Variants in NOS1AP observed in about 807,000 individuals in gnomAD.
The protein encoded by NOS1AP is nitric oxide synthase 1 adaptor protein.
NOS1AP carries 21 observed loss-of-function variants against 56.2 expected under a neutral mutation model. The ratio of observed to expected loss-of-function variants is 0.37; its 90% CI spans 0.26 to 0.54. The LOEUF is 0.54. Ranked by LOEUF, NOS1AP falls within the 20% of genes least tolerant of loss-of-function variation. The pLI is 0.84. For synonymous variants in NOS1AP, 270 were observed against 274.6 expected (o/e 0.98, Z 0.17); for missense variants, 522 against 657.8 (o/e 0.79, Z 2.26).
intron 2 of NOS1AP, among the ~76,000 whole-genome samples, chr1:162,173,236 TCTGC>T (rs1315604649): frequency 6.6e-6 from 1 of 152,212 alleles, no homozygotes; most frequent in African/African-American, 2.4e-5. Flanking sequence ...TCTCAGGTGA[TCTGC>T]CTGCCTCAGC....
intron 5 of NOS1AP, among the ~76,000 whole-genome samples, chr1:162,339,772 G>T (rs1424637130): frequency 6.6e-6 from 1 of 152,194 alleles, no homozygotes; most frequent in Non-Finnish European, 1.5e-5. Flanking sequence ...CAGAAGGTGG[G>T]GTAACTAAGT....
chr1:162,146,488 C>G (rs1190896139), intron 1 of NOS1AP, among the ~76,000 whole-genome samples: 3 of 152,152 alleles, frequency 2.0e-5, no homozygotes, highest in African/African-American at 7.2e-5. Flanking sequence ...GCTCCTCTGG[C>G]TGTCCCCGTC....
chr1:162,094,703 G>A (rs1449160845), intron 1 of NOS1AP, among the ~76,000 whole-genome samples: 3 of 152,196 alleles, frequency 2.0e-5, no homozygotes, highest in Non-Finnish European at 2.9e-5. Flanking sequence ...TCTTGAGTAA[G>A]TTTGGTGATT....
intron 1 of NOS1AP, among the ~76,000 whole-genome samples, chr1:162,150,335 A>G (rs182910905): frequency 6.0e-4 from 91 of 152,266 alleles, no homozygotes; most frequent in Admixed American, 4.1e-3. Flanking sequence ...ATAGTATTCC[A>G]TTTTACTGCA....
At chr1:162,099,257 G>A (rs184922091) in intron 1 of NOS1AP, among the ~76,000 whole-genome samples, 433 of 149,870 alleles carry the variant, frequency 2.9e-3, no homozygotes, top group Non-Finnish European at 5.3e-3. Context: ...GCACGACCTC[G>A]GCTCACTGCA....
chr1:162,344,074 T>A, intron 6 of NOS1AP, 98 bp downstream of exon 6: 1 of 1,323,334 alleles, frequency 7.6e-7, no homozygotes, highest in Non-Finnish European at 1.1e-6. Context: ...GAACTCATTT[T>A]AAGAAACATT....
At chr1:162,223,118 G>A (rs755058904) in intron 2 of NOS1AP, among the ~76,000 whole-genome samples, 2 of 152,168 alleles carry the variant, frequency 1.3e-5, no homozygotes, top group Non-Finnish European at 2.9e-5. Flanking sequence ...AACTCATTCT[G>A]AAATTATATC....
intron 2 of NOS1AP, among the ~76,000 whole-genome samples, chr1:162,164,352 CAT>C (rs1650376071): frequency 6.6e-6 from 1 of 152,232 alleles, no homozygotes; most frequent in African/African-American, 2.4e-5. Flanking sequence ...CTATGGCACA[CAT>C]ATGTATATGC....
chr1:162,126,861 G>A (rs769199632), intron 1 of NOS1AP, among the ~76,000 whole-genome samples: 6 of 152,142 alleles, frequency 3.9e-5, no homozygotes, highest in Non-Finnish European at 2.9e-5. Context: ...ACTTTGCTAT[G>A]TATTGCCAAA....
chr1:162,351,905 G>A (rs1657509593), intron 6 of NOS1AP, among the ~76,000 whole-genome samples: 1 of 152,090 alleles, frequency 6.6e-6, no homozygotes, highest in African/African-American at 2.4e-5. Context: ...CCTTCCTGAA[G>A]TTACCAGGCA....
At chr1:162,190,553 T>G (rs1379948915) in intron 2 of NOS1AP, among the ~76,000 whole-genome samples, 1 of 152,152 alleles carries the variant, frequency 6.6e-6, no homozygotes, top group African/African-American at 2.4e-5. Flanking sequence ...TATATAATGA[T>G]CAGATCAGGA....
rs1570984549 is a variant in NOS1AP, at chr1:162,070,030, C to T, written c.-148C>T. On this transcript the variant is annotated 5_prime_UTR_variant, in exon 1 of 10. Coordinates refer to ENST00000361897, the MANE Select transcript of NOS1AP (RefSeq NM_014697.3). ...GCCCTCGGCACCGCTCCGGGTCCGG[C>T]CGCCGCGCGGCCAGGGCTCCCCCTG... The T allele has an allele frequency of 2.0e-6, 1 of 488,360 alleles. No homozygotes were observed. 30.3% of individuals were successfully genotyped at this position (488,360 alleles called of 1,614,324 possible). A position where few individuals can be genotyped will look rare whatever the true frequency, so the allele number is the denominator to read the frequency against.
At chr1:162,288,392 A>C (rs1655158384) in intron 3 of NOS1AP, among the ~76,000 whole-genome samples, 1 of 152,224 alleles carries the variant, frequency 6.6e-6, no homozygotes, top group East Asian at 1.9e-4. Flanking sequence ...GCAGACCTTG[A>C]ATGTCGGGGC....
At chr1:162,334,964 T>G (rs1168253934) in intron 5 of NOS1AP, among the ~76,000 whole-genome samples, 1 of 152,214 alleles carries the variant, frequency 6.6e-6, no homozygotes, top group Non-Finnish European at 1.5e-5. Flanking sequence ...ATGTTATATT[T>G]GCCTTGCTAT....
chr1:162,081,621 A>T (rs2102014773), intron 1 of NOS1AP, among the ~76,000 whole-genome samples: 1 of 147,494 alleles, frequency 6.8e-6, no homozygotes, highest in Middle Eastern at 3.5e-3. Flanking sequence ...ATCATGACTC[A>T]TTGCAGCCTT....
In NOS1AP at chr1:162,238,714, A is replaced by G. The variant is rs536075279; in HGVS notation, c.178-48630A>G. ...TACTCTTCTAAGTATCTGACATCTC[A>G]TCTCTTATAGTTGCTGCGTATATAA... is the stretch of plus-strand genomic sequence containing the variant. On this transcript the variant is annotated intron_variant, in intron 2 of 9. Coordinates refer to ENST00000361897, the MANE Select transcript of NOS1AP (RefSeq NM_014697.3). 5.9e-5 allele frequency among the ~76,000 whole-genome samples: 9 copies of G among 152,358 alleles called. No individual in the cohort carries two copies. The South Asian group carries it at 1.9e-3, about 32-fold the overall frequency.
chr1:162,210,047 A>G (rs1652294989), intron 2 of NOS1AP, among the ~76,000 whole-genome samples: 1 of 152,074 alleles, frequency 6.6e-6, no homozygotes, highest in South Asian at 2.1e-4. Context: ...ATTTTTGTTA[A>G]TTTTTCCTTA....
At chr1:162,294,176 GAAGGAAGGAAGGAAGGAAGT>G (rs71093159) in intron 3 of NOS1AP, among the ~76,000 whole-genome samples, 59,371 of 116,160 alleles carry the variant, frequency 0.51, 14,233 homozygotes, top group Non-Finnish European at 0.61. Flanking sequence ...AGGCAGGTAG[GAAGGAAGGAAGGAAGGAAGT>G]AAGGAAGGAA....
intron 2 of NOS1AP, among the ~76,000 whole-genome samples, chr1:162,259,368 A>G (rs975173660): frequency 2.0e-5 from 3 of 152,206 alleles, no homozygotes; most frequent in Admixed American, 1.3e-4. Flanking sequence ...ATATAGTTTC[A>G]TATTTGTATA....
Sources: gnomAD v4.1 joint callset for allele counts (sites outside exome capture counted in the v4.1 genomes callset) on GRCh38, gnomAD v4.1.1 for gene constraint, MANE v1.5 for transcripts, NCBI Gene and HGNC (gene_info 2026-07-23, HGNC 2026-07-21) for gene names.